KIF3B: variants seen among roughly 807,000 people sequenced by gnomAD.
KIF3B encodes kinesin-like protein KIF3B.
A neutral mutation model predicts 74.3 loss-of-function variants in KIF3B; 38 were observed. The observed-to-expected ratio is 0.51, with a 90% CI of 0.39 to 0.67. The LOEUF is 0.67. Ranked by LOEUF, KIF3B falls within the 30% of genes least tolerant of loss-of-function variation. The probability of loss-of-function intolerance (pLI) is 0.00; values close to 1 mark genes in which losing one functional copy is unlikely to be tolerated. For missense variants in KIF3B, 649 were observed against 932.0 expected (o/e 0.70, Z 3.95); for synonymous variants, 326 against 342.5 (o/e 0.95, Z 0.53).
intron 5 of KIF3B, among the ~76,000 whole-genome samples, chr20:32,322,973 TATAC>T (rs1250184534): frequency 0.053 from 848 of 15,866 alleles, 122 homozygotes; most frequent in Non-Finnish European, 0.061. Flanking sequence ...TATTTATATA[TATAC>T]ACATATTTAT....
intron 1 of KIF3B, among the ~76,000 whole-genome samples, chr20:32,293,240 ACT>A (rs1185371915): frequency 2.7e-5 from 4 of 149,606 alleles, no homozygotes; most frequent in African/African-American, 9.9e-5. Flanking sequence ...GGCAACTGAG[ACT>A]CTGTCTCAAA....
At chr20:32,314,265 C>T (rs1037420450) in intron 2 of KIF3B, among the ~76,000 whole-genome samples, 22 of 152,102 alleles carry the variant, frequency 1.4e-4, no homozygotes, top group Non-Finnish European at 2.6e-4. Flanking sequence ...AGAGGCTGGG[C>T]GCGGTGGCTC....
chr20:32,306,034 C>T (rs138817088), intron 1 of KIF3B, among the ~76,000 whole-genome samples: 1,635 of 148,992 alleles, frequency 0.011, 24 homozygotes, highest in African/African-American at 0.039. Flanking sequence ...TGCAGTGAGC[C>T]GAGATCACGC....
chr20:32,309,348 T>C (rs1322064680), intron 1 of KIF3B, among the ~76,000 whole-genome samples: 1 of 151,946 alleles, frequency 6.6e-6, no homozygotes, highest in Non-Finnish European at 1.5e-5. Flanking sequence ...CACAAATTTT[T>C]TGGAGACAGG....
At chr20:32,299,401 ATATTT>A (rs1300406051) in intron 1 of KIF3B, among the ~76,000 whole-genome samples, 16 of 28,872 alleles carry the variant, frequency 5.5e-4, no homozygotes, top group African/African-American at 4.2e-3. Flanking sequence ...ATATATATAT[ATATTT>A]TTTTTTTTTT....
chr20:32,299,475 A>G (rs1175283151), intron 1 of KIF3B, among the ~76,000 whole-genome samples: 1 of 134,524 alleles, frequency 7.4e-6, no homozygotes, highest in Non-Finnish European at 1.5e-5. Context: ...CAGTGTCGCA[A>G]TCTCAGCTCG....
chr20:32,278,216 A>G (rs1197249655), intron 1 of KIF3B, among the ~76,000 whole-genome samples: 1 of 152,088 alleles, frequency 6.6e-6, no homozygotes, highest in Non-Finnish European at 1.5e-5. Flanking sequence ...AGTGCCCTAA[A>G]TGGGGAGAGG....
chr20:32,282,907 C>T (rs2047650703), intron 1 of KIF3B, among the ~76,000 whole-genome samples: 5 of 152,186 alleles, frequency 3.3e-5, no homozygotes, highest in South Asian at 4.1e-4. Context: ...CAAGGGAATT[C>T]GAGCTTCATT....
chr20:32,309,726 T>C lies in KIF3B; in HGVS notation c.-52T>C. On this transcript the variant is annotated 5_prime_UTR_variant, in exon 2 of 9. Transcript: ENST00000375712. ...CTTTTTCTCTAGGACCGTAGCATCCTGAGACATTTTGAATTGACACTTCTC... is the reference window on the plus strand; with the variant it reads ...CTTTTTCTCTAGGACCGTAGCATCCCGAGACATTTTGAATTGACACTTCTC... The C allele has an allele frequency of 6.4e-7, 1 of 1,570,728 alleles. No individual in the cohort carries two copies. The highest frequency in any genetic ancestry group is 1.2e-5 in the South Asian group (1 of 83,088).
rs748835789 is a variant in KIF3B at position 32,331,256 on chromosome 20, C to T, written c.2181C>T (p.Ser727=). The part of the protein sequence containing the change: ...PKSGRKSGSS[S]SSSGTPASQL... ...GTGGAAGGAAGTCGGGATCCTCCTC[C>T]TCTTCCTCAGGAACCCCTGCATCTC... The change falls in exon 9 of 9, where the codon TCC becomes TCT. Residue 727 remains serine, a synonymous_variant. Transcript: ENST00000375712. 6.2e-7 allele frequency: 1 copy of T among 1,613,662 alleles called. No individual in the cohort carries two copies. The highest frequency in any genetic ancestry group is 1.1e-5 in the South Asian group (1 of 90,974).
chr20:32,322,652 T>TA (rs1569207408), intron 5 of KIF3B, among the ~76,000 whole-genome samples: 5 of 50,516 alleles, frequency 9.9e-5, no homozygotes, highest in African/African-American at 2.5e-4. Context: ...ATATATATTT[T>TA]TATATATTTA....
rs1251116818 is a variant in KIF3B at position 32,327,521 on chromosome 20, C to T, written c.1863-35C>T. ...TTCCGAGTGCTGGTTCCACAGGACT[C>T]CAGCCAGGGCTTTAACACTGCAGTT... On this transcript the variant is annotated intron_variant, in intron 6 of 8. Transcript: ENST00000375712. The T allele has an allele frequency of 3.8e-6, 6 of 1,583,038 alleles. No individual in the cohort carries two copies. The East Asian group carries it at 6.7e-5, about 18-fold the overall frequency.
intron 1 of KIF3B, among the ~76,000 whole-genome samples, chr20:32,307,443 G>A (rs1352152748): frequency 6.6e-6 from 1 of 152,064 alleles, no homozygotes; most frequent in East Asian, 1.9e-4. Flanking sequence ...CCTCTTGATG[G>A]GAACCCGGGT....
rs1186763168 is a variant in KIF3B at position 32,322,664 on chromosome 20, ATATATATT to A, written c.1749-4091_1749-4084del. Among the ~76,000 whole-genome samples the A allele has an allele frequency of 1.0e-3, 58 of 58,020 alleles. 4 individuals carry two copies. The highest frequency in any genetic ancestry group is 3.7e-3 in the African/African-American group (22 of 5,994). The allele number at this position is 58,020 out of a possible 152,430, so 38.1% of individuals were successfully genotyped here. A position where few individuals can be genotyped will look rare whatever the true frequency, so the allele number is the denominator to read the frequency against. ...TATATATATATTTTTATATATTTAT[ATATATATT>A]TATATATTTATATATATTTATATAT... On this transcript the variant is annotated intron_variant, in intron 5 of 8. Transcript: ENST00000375712.
intron 5 of KIF3B, among the ~76,000 whole-genome samples, chr20:32,317,809 TA>T (rs1401700487): frequency 6.6e-6 from 1 of 151,770 alleles, no homozygotes; most frequent in Non-Finnish European, 1.5e-5. Flanking sequence ...AGCTAATTTT[TA>T]AAAAAAATTT....
At chr20:32,312,231 A>G (rs1006700420) in intron 2 of KIF3B, among the ~76,000 whole-genome samples, 5 of 151,502 alleles carry the variant, frequency 3.3e-5, no homozygotes, top group African/African-American at 9.7e-5. Context: ...CAGCCTCCCA[A>G]GTAGCTAGGA....
chr20:32,323,106 A>T (rs2047882481), intron 5 of KIF3B, among the ~76,000 whole-genome samples: 1 of 114,408 alleles, frequency 8.7e-6, no homozygotes, highest in Non-Finnish European at 1.7e-5. Flanking sequence ...ATATATTTAT[A>T]TATATTTATA....
chr20:32,280,996 A>T (rs1694314375), intron 1 of KIF3B, among the ~76,000 whole-genome samples: 1 of 152,080 alleles, frequency 6.6e-6, no homozygotes, highest in Admixed American at 6.6e-5. Context: ...GTGTCCCTAG[A>T]CTTCTGTTAG....
chr20:32,313,683 G>A (rs956139123), intron 2 of KIF3B, among the ~76,000 whole-genome samples: 19 of 150,684 alleles, frequency 1.3e-4, no homozygotes, highest in Admixed American at 8.7e-4. Context: ...CACAGTAAGC[G>A]CGACTGGCTG....
Sources: gnomAD v4.1 joint callset for allele counts (sites outside exome capture counted in the v4.1 genomes callset) on GRCh38, gnomAD v4.1.1 for gene constraint, MANE v1.5 for transcripts, NCBI Gene and HGNC (gene_info 2026-07-23, HGNC 2026-07-21) for gene names.